The following MYO9A variants were observed in gnomAD, a reference collection of about 807,000 sequenced individuals.
MYO9A encodes unconventional myosin-IXa.
A neutral mutation model predicts 293.3 loss-of-function variants in MYO9A; 103 were observed. The ratio of observed to expected loss-of-function variants is 0.35; its 90% CI spans 0.30 to 0.41. MYO9A has a LOEUF of 0.41. Ranked by LOEUF, MYO9A falls within the 10% of genes least tolerant of loss-of-function variation. MYO9A has a pLI of 1.00. For missense variants in MYO9A, 2,685 were observed against 3,033.0 expected, an observed-to-expected ratio of 0.89 and a Z score of 2.69; for synonymous variants, 1,001 against 1,035.7, an observed-to-expected ratio of 0.97 and a Z score of 0.64.
chr15:71,829,827 T>C (rs2054644209), intron 40 of MYO9A, among the ~76,000 whole-genome samples: 1 of 152,146 alleles, frequency 6.6e-6, no homozygotes, highest in South Asian at 2.1e-4. Flanking sequence ...AAGACTGACA[T>C]GCCCTGTGGA....
chr15:72,048,733 T>C (rs1286285493), intron 1 of MYO9A, among the ~76,000 whole-genome samples: 2 of 152,226 alleles, frequency 1.3e-5, no homozygotes, highest in African/African-American at 4.8e-5. Flanking sequence ...TGTTTAAGTT[T>C]GCATGTTTAC....
intron 14 of MYO9A, among the ~76,000 whole-genome samples, chr15:71,956,862 T>A (rs77279545): frequency 7.4e-3 from 146 of 19,622 alleles, no homozygotes; most frequent in East Asian, 0.073. Context: ...CACACACAAA[T>A]ATATATATAT....
intron 1 of MYO9A, among the ~76,000 whole-genome samples, chr15:72,101,885 C>G (rs1373567398): frequency 1.3e-5 from 2 of 152,092 alleles, no homozygotes; most frequent in Non-Finnish European, 2.9e-5. Flanking sequence ...AGCCCCCGAC[C>G]GGCCAGCGGC....
Position 71,897,855 on chromosome 15 carries a change from A to G in MYO9A, c.4648T>C (p.Ser1550Pro), listed in dbSNP as rs151046258. The change falls in exon 25 of 42, where the codon TCA becomes CCA. Residue 1550 changes from serine to proline, a missense_variant. Transcript: ENST00000356056. ...ECLVAPSSYQSKQRVERPSSL... is the reference protein window; with the variant it reads ...ECLVAPSSYQPKQRVERPSSL... ...GATGGCCTCTCTACTCTTTGCTTTG[A>G]CTGATAGGAAGATGGTGCCACCAAA... The G allele has an allele frequency of 2.5e-6, 4 of 1,613,968 alleles. No homozygotes were observed. The African/African-American group carries it at 5.3e-5, about 22-fold the overall frequency.
intron 3 of MYO9A, among the ~76,000 whole-genome samples, chr15:72,028,510 G>T (rs1310440701): frequency 1.3e-5 from 2 of 151,540 alleles, no homozygotes; most frequent in African/African-American, 2.4e-5. Flanking sequence ...AGCCAGGCAT[G>T]GTGGTGCACG....
At chr15:72,098,886 G>C (rs1256837651) in intron 1 of MYO9A, among the ~76,000 whole-genome samples, 2 of 151,248 alleles carry the variant, frequency 1.3e-5, no homozygotes, top group African/African-American at 4.9e-5. Flanking sequence ...TAAAAACGAA[G>C]AAGTGATAAG....
intron 39 of MYO9A, among the ~76,000 whole-genome samples, chr15:71,848,571 A>C (rs2055492756): frequency 6.6e-6 from 1 of 152,154 alleles, no homozygotes. Context: ...AAAGGACATG[A>C]AAAGAAAGCA....
chr15:72,019,097 T>C lies in MYO9A; in HGVS notation c.1099-2A>G. The stretch of plus-strand genomic sequence containing the variant: ...CTGTCTGAGGGGTTTCTTTGTTATC[T>C]GAAAGTAAGGCAGATTAGTTAGGTA... On this transcript the variant is annotated splice_acceptor_variant, in intron 5 of 41. Transcript: ENST00000356056. LOFTEE classifies it high-confidence loss of function. 1 of 1,613,248 alleles carries C rather than the reference T, an allele frequency of 6.2e-7. No individual in the cohort carries two copies. Among genetic ancestry groups the C allele is most frequent in the Non-Finnish European group, 8.5e-7 (1 of 1,179,252 alleles).
chr15:71,898,652 A>G lies in MYO9A; in HGVS notation c.3851T>C (p.Ile1284Thr), dbSNP rs762841810. 1 of 1,613,844 alleles carries G rather than the reference A, an allele frequency of 6.2e-7. No homozygotes were observed. Among genetic ancestry groups the G allele is most frequent in the Non-Finnish European group, 8.5e-7 (1 of 1,179,982 alleles). ...AACTTTCAGCAATTCTAAGCTAAAT[A>G]TAGCTTGCTCTAGTTCTCTCATTCT... Reference protein sequence around the residue: ...SRRMRELEQAIFSLELLKVRS... With the variant: ...SRRMRELEQATFSLELLKVRS... Residue 1284 changes from isoleucine (I) to threonine (T), a missense_variant, in exon 25 of 42, where the codon ATA becomes ACA. Ile to Thr is a moderately conservative substitution (Grantham distance 89). Coordinates refer to ENST00000356056, the MANE Select transcript of MYO9A (RefSeq NM_006901.4).
At chr15:72,082,316 T>C (rs1313185476) in intron 1 of MYO9A, among the ~76,000 whole-genome samples, 3 of 152,196 alleles carry the variant, frequency 2.0e-5, no homozygotes, top group Non-Finnish European at 4.4e-5. Flanking sequence ...GTTCCTAATT[T>C]GGTTCTTGGC....
chr15:71,854,508 T>C lies in MYO9A; in HGVS notation c.6215A>G (p.Asp2072Gly). Residue 2072 changes from aspartate to glycine, a missense_variant, in exon 35 of 42, where the codon GAC becomes GGC. This residue lies in a region of MYO9A where 238 missense variants were observed against 269.1 expected (regional missense o/e 0.88). Coordinates refer to ENST00000356056, the MANE Select transcript of MYO9A (RefSeq NM_006901.4). ...GVELSRLTSE[D>G]RTVPLVVEKL... Reference sequence around the variant, plus strand: ...TTCCACTACTAAAGGAACAGTTCGGTCTTCACTGGTCAAACGGGACAGTTC... The same window carrying C: ...TTCCACTACTAAAGGAACAGTTCGGCCTTCACTGGTCAAACGGGACAGTTC... The C allele has an allele frequency of 3.7e-6, 6 of 1,613,412 alleles. No individual in the cohort carries two copies. Among genetic ancestry groups the C allele is most frequent in the Non-Finnish European group, 5.1e-6 (6 of 1,179,630 alleles).
At position 71,826,808 on chromosome 15, in the gene MYO9A, T is replaced by A. The variant is rs1455660685; in HGVS notation, c.7419A>T (p.Gly2473=). ...CCAGGAATTTGGTCTGGCCCAATGGTCCTTCCATTCCCAGGGCCTCATTAC... is the reference window on the plus strand; with the variant it reads ...CCAGGAATTTGGTCTGGCCCAATGGACCTTCCATTCCCAGGGCCTCATTAC... The part of the protein sequence containing the change: ...ASGNEALGME[G]PLGQTKFLED... Residue 2473 remains glycine (G), a synonymous_variant, in exon 42 of 42, where the codon GGA becomes GGT. Coordinates refer to ENST00000356056, the MANE Select transcript of MYO9A (RefSeq NM_006901.4). 2 of 1,614,176 alleles carry A rather than the reference T, an allele frequency of 1.2e-6. No homozygotes were observed. The highest frequency in any genetic ancestry group is 1.7e-6 in the Non-Finnish European group (2 of 1,180,008).
At position 71,883,522 on chromosome 15, in the gene MYO9A, C is replaced by A. The variant is rs2056934554; in HGVS notation, c.5398+72G>T. 2.0e-6 allele frequency: 3 copies of A among 1,494,552 alleles called. No homozygotes were observed. The East Asian group carries it at 6.8e-5, about 34-fold the overall frequency. The allele number at this position is 1,494,552 out of a possible 1,614,324, so 92.6% of individuals were successfully genotyped here. ...AACAGGATTGACATTATGAATACTA[C>A]AGGAATAGCAAACTTTCAGAAAGAG... On this transcript the variant is annotated intron_variant, in intron 28 of 41. Transcript: ENST00000356056.
chr15:71,851,318 A>G lies in MYO9A; in HGVS notation c.6516T>C (p.Ser2172=). 1 of 1,614,070 alleles carries G rather than the reference A, an allele frequency of 6.2e-7. No individual in the cohort carries two copies. The highest frequency in any genetic ancestry group is 8.5e-7 in the Non-Finnish European group (1 of 1,179,950). The stretch of plus-strand genomic sequence containing the variant: ...GAGTTCGGGAGAGTTGATCAATCAC[A>G]GAGTATACACCACGGATTGTCTCCT... ...ERKETIRGVY[S]VIDQLSRTHL... Residue 2172 remains serine, a synonymous_variant, in exon 37 of 42, where the codon TCT becomes TCC. Coordinates refer to ENST00000356056, the MANE Select transcript of MYO9A (RefSeq NM_006901.4).
chr15:71,948,748 C>A (rs1397708658), intron 15 of MYO9A, among the ~76,000 whole-genome samples: 1 of 152,144 alleles, frequency 6.6e-6, no homozygotes, highest in Non-Finnish European at 1.5e-5. Flanking sequence ...GACAAATTCC[C>A]AGACTCTGTT....
chr15:71,882,931 A>G (rs1290157279), intron 28 of MYO9A, among the ~76,000 whole-genome samples: 1 of 152,070 alleles, frequency 6.6e-6, no homozygotes, highest in Non-Finnish European at 1.5e-5. Flanking sequence ...CAGCCTCCCA[A>G]GTAGCTGGGA....
At chr15:71,864,319 G>A (rs1169986197) in intron 32 of MYO9A, among the ~76,000 whole-genome samples, 1 of 152,086 alleles carries the variant, frequency 6.6e-6, no homozygotes, top group Non-Finnish European at 1.5e-5. Context: ...TAACAAAAAA[G>A]GTAAACAATA....
At chr15:71,870,868 T>A (rs2056489292) in intron 32 of MYO9A, among the ~76,000 whole-genome samples, 1 of 152,184 alleles carries the variant, frequency 6.6e-6, no homozygotes, top group Non-Finnish European at 1.5e-5. Context: ...GATTCATAGT[T>A]GGTTGAACCC....
At chr15:71,830,015 A>C in intron 40 of MYO9A, 94 bp downstream of exon 40, 1 of 1,242,230 alleles carries the variant, frequency 8.1e-7, no homozygotes, top group Non-Finnish European at 1.2e-6. Flanking sequence ...TTTAACACAC[A>C]GGAGATAATA....
Sources: gnomAD v4.1 joint callset for allele counts (sites outside exome capture counted in the v4.1 genomes callset) on GRCh38, gnomAD v4.1.1 for gene constraint, gnomAD v4.1.1 regional missense constraint, MANE v1.5 for transcripts, NCBI Gene and HGNC (gene_info 2026-07-23, HGNC 2026-07-21) for gene names.